Variants in GPHN observed in about 807,000 individuals in gnomAD.
GPHN encodes the protein gephyrin.
GPHN carries 17 observed loss-of-function variants against 95.5 expected under a neutral mutation model. That is an observed-to-expected ratio of 0.18 (90% CI 0.12 to 0.27). The LOEUF (loss-of-function observed/expected upper bound fraction) is 0.27, where lower values mean the gene tolerates loss of function less well. Among genes scored for constraint, GPHN ranks in the 10% least tolerant of loss-of-function variants. GPHN has a pLI of 1.00. For synonymous variants in GPHN, 320 were observed against 322.5 expected (o/e 0.99, Z 0.08); for missense variants, 660 against 978.1 (o/e 0.67, Z 4.34).
chr14:66,660,562 G>A (rs897691442), intron 1 of GPHN, among the ~76,000 whole-genome samples: 8 of 152,074 alleles, frequency 5.3e-5, no homozygotes, highest in African/African-American at 1.4e-4. Context: ...CATGTCTGAA[G>A]AGTATTTTTA....
chr14:67,603,557 A>C, the GPHN span, among the ~76,000 whole-genome samples: 52 of 152,324 alleles, frequency 3.4e-4, no homozygotes, highest in African/African-American at 1.2e-3. Flanking sequence ...GTATAATCAT[A>C]ACTCATTGTG....
At chr14:66,770,211 A>G (rs1324631253) in intron 2 of GPHN, among the ~76,000 whole-genome samples, 3 of 152,136 alleles carry the variant, frequency 2.0e-5, no homozygotes, top group South Asian at 2.1e-4. Context: ...GAAGTTCCTT[A>G]TAGATGCTGG....
the GPHN span, among the ~76,000 whole-genome samples, chr14:67,254,023 C>T: frequency 7.8e-6 from 1 of 127,582 alleles, no homozygotes. Flanking sequence ...GCCTTATATT[C>T]ATCCCCCCCC....
the GPHN span, among the ~76,000 whole-genome samples, chr14:67,368,412 G>T: frequency 6.6e-6 from 1 of 152,060 alleles, no homozygotes; most frequent in Non-Finnish European, 1.5e-5. Context: ...CCCACCTGAC[G>T]GAGGGGCAGT....
the GPHN span, chr14:67,386,528 A>AGAC: frequency 6.6e-6 from 1 of 152,268 alleles, no homozygotes; most frequent in Non-Finnish European, 1.5e-5. Context: ...TGTATGATAC[A>AGAC]GACTTTTCAC....
At chr14:67,388,257 C>A in the GPHN span, 5 of 1,613,412 alleles carry the variant, frequency 3.1e-6, no homozygotes, top group African/African-American at 6.7e-5. Context: ...AGAGCAGACA[C>A]GAGTGAACCA....
chr14:67,350,811 T>G, the GPHN span: 1 of 929,766 alleles, frequency 1.1e-6, no homozygotes. Flanking sequence ...TAAATATTGG[T>G]TTGATAACGA....
the GPHN span, among the ~76,000 whole-genome samples, chr14:67,725,426 C>T: frequency 6.6e-6 from 1 of 152,208 alleles, no homozygotes; most frequent in African/African-American, 2.4e-5. Flanking sequence ...GGTAGATAGA[C>T]TGGGCAGGAT....
At chr14:67,626,099 CA>C in the GPHN span, among the ~76,000 whole-genome samples, 1 of 151,928 alleles carries the variant, frequency 6.6e-6, no homozygotes, top group African/African-American at 2.4e-5. Context: ...CTAAAAAATA[CA>C]AAAATTAGCC....
At chr14:66,749,723 CTT>C (rs1017987444) in intron 2 of GPHN, among the ~76,000 whole-genome samples, 2 of 151,680 alleles carry the variant, frequency 1.3e-5, no homozygotes, top group South Asian at 2.1e-4. Context: ...TTTAAAATCT[CTT>C]TGTATATTTT....
At chr14:67,604,632 T>G in the GPHN span, among the ~76,000 whole-genome samples, 1 of 152,284 alleles carries the variant, frequency 6.6e-6, no homozygotes, top group South Asian at 2.1e-4. Flanking sequence ...TAAGCCCAGC[T>G]TACTGTAGGA....
chr14:66,933,079 T>G (rs2066913327), intron 8 of GPHN, among the ~76,000 whole-genome samples: 1 of 152,246 alleles, frequency 6.6e-6, no homozygotes, highest in South Asian at 2.1e-4. Context: ...TAAATAGTAA[T>G]TGGTCTTTTG....
the GPHN span, among the ~76,000 whole-genome samples, chr14:67,617,671 C>T: frequency 3.0e-4 from 45 of 152,280 alleles, no homozygotes; most frequent in African/African-American, 8.2e-4. Flanking sequence ...TTGGAAAGGT[C>T]GGTCTGGTGA....
the GPHN span, among the ~76,000 whole-genome samples, chr14:67,732,429 C>CA: frequency 1.7e-4 from 21 of 126,486 alleles, 1 homozygote; most frequent in Non-Finnish European, 2.2e-4. Flanking sequence ...GACCCTATCT[C>CA]AAAAAAAAAA....
the GPHN span, chr14:67,646,452 C>T: frequency 1.8e-6 from 1 of 566,558 alleles, no homozygotes; most frequent in Non-Finnish European, 3.2e-6. Flanking sequence ...TACTGTGTTC[C>T]TCAGCTGCCC....
chr14:66,519,292 C>G (rs2058378050), intron 1 of GPHN, among the ~76,000 whole-genome samples: 2 of 151,972 alleles, frequency 1.3e-5, no homozygotes, highest in Admixed American at 1.3e-4. Context: ...TAGTTTCTCT[C>G]TAGTGTTAAC....
At chr14:67,439,357 C>A in the GPHN span, among the ~76,000 whole-genome samples, 2 of 152,160 alleles carry the variant, frequency 1.3e-5, no homozygotes, top group African/African-American at 4.8e-5. Flanking sequence ...GGAAGATTTT[C>A]TTTAGTGCAG....
intron 9 of GPHN, 107 bp from the exon 10 acceptor site, chr14:67,023,526 T>C (rs1389006092): frequency 3.9e-6 from 3 of 761,682 alleles, no homozygotes; most frequent in South Asian, 3.0e-5. Flanking sequence ...GAAATACTAA[T>C]ATATAAAGCC....
At chr14:66,896,118 A>T (rs2064836662) in intron 5 of GPHN, among the ~76,000 whole-genome samples, 1 of 152,120 alleles carries the variant, frequency 6.6e-6, no homozygotes, top group Non-Finnish European at 1.5e-5. Context: ...ACTCATGAGG[A>T]CAGAGTTAAT....
Sources: gnomAD v4.1 joint callset for allele counts (sites outside exome capture counted in the v4.1 genomes callset) on GRCh38, gnomAD v4.1.1 for gene constraint, MANE v1.5 for transcripts, NCBI Gene and HGNC (gene_info 2026-07-23, HGNC 2026-07-21) for gene names.